Variants in COG5 observed in about 807,000 individuals in gnomAD.
COG5 encodes component of oligomeric golgi complex 5.
Under a neutral mutation model 110.4 loss-of-function variants are expected in COG5, and 86 were observed. The ratio of observed to expected loss-of-function variants is 0.78; its 90% confidence interval spans 0.65 to 0.93. The LOEUF (loss-of-function observed/expected upper bound fraction) is 0.93. Ranked by LOEUF, COG5 falls within the 40% of genes least tolerant of loss-of-function variation. The pLI, the probability that COG5 is intolerant of heterozygous loss-of-function variation, is 0.00. For missense variants in COG5, 1,077 were observed against 987.0 expected (o/e 1.09, Z -1.22); for synonymous variants, 360 against 334.6 (o/e 1.08, Z -0.83).
intron 6 of COG5, among the ~76,000 whole-genome samples, chr7:107,461,810 T>C (rs1796006685): frequency 6.6e-6 from 1 of 152,240 alleles, no homozygotes. Flanking sequence ...GTTATGAGTC[T>C]AGCACTACCC....
chr7:107,500,226 C>G (rs1235233970), intron 6 of COG5, among the ~76,000 whole-genome samples: 4 of 152,130 alleles, frequency 2.6e-5, no homozygotes, highest in Non-Finnish European at 5.9e-5. Flanking sequence ...ATTGTTCTTT[C>G]CTGGAACATA....
At chr7:107,245,336 T>C (rs1801972623) in intron 17 of COG5, among the ~76,000 whole-genome samples, 1 of 152,104 alleles carries the variant, frequency 6.6e-6, no homozygotes, top group South Asian at 2.1e-4. Flanking sequence ...CCACTTCTAT[T>C]CAACACAGTA....
At chr7:107,341,775 T>C (rs1002118616) in intron 10 of COG5, among the ~76,000 whole-genome samples, 2 of 151,946 alleles carry the variant, frequency 1.3e-5, no homozygotes, top group Non-Finnish European at 2.9e-5. Flanking sequence ...AAATAAGCAA[T>C]GGAGAAACGA....
At chr7:107,483,939 A>G (rs950974683) in intron 6 of COG5, among the ~76,000 whole-genome samples, 4 of 151,874 alleles carry the variant, frequency 2.6e-5, no homozygotes, top group Admixed American at 6.6e-5. Context: ...AAGATCCTCC[A>G]AAGAGTATGT....
intron 9 of COG5, 58 bp downstream of exon 9, chr7:107,362,250 T>G (rs1584729747): frequency 6.9e-7 from 1 of 1,449,288 alleles, no homozygotes. Context: ...GTCACACAAT[T>G]TGGAATAACC....
At chr7:107,435,283 A>C (rs1794296316) in intron 6 of COG5, among the ~76,000 whole-genome samples, 1 of 152,202 alleles carries the variant, frequency 6.6e-6, no homozygotes, top group South Asian at 2.1e-4. Context: ...CTAAGATGGG[A>C]AATTACATGG....
At chr7:107,398,287 A>G (rs1208293949) in intron 7 of COG5, among the ~76,000 whole-genome samples, 1 of 152,196 alleles carries the variant, frequency 6.6e-6, no homozygotes, top group African/African-American at 2.4e-5. Flanking sequence ...AAAACAATGG[A>G]CTATTTATAC....
chr7:107,221,104 A>G (rs541569704), intron 19 of COG5, among the ~76,000 whole-genome samples: 2 of 152,178 alleles, frequency 1.3e-5, no homozygotes, highest in African/African-American at 2.4e-5. Context: ...GGCATGAGCC[A>G]CTGCACCTGG....
At chr7:107,554,383 G>A in intron 2 of COG5, 41 bp from the exon 3 acceptor site, 4 of 1,555,836 alleles carry the variant, frequency 2.6e-6, no homozygotes, top group Non-Finnish European at 3.5e-6. Context: ...GCTCTGTTAG[G>A]TATTCTTCCT....
intron 5 of COG5, among the ~76,000 whole-genome samples, chr7:107,529,572 C>A (rs1403856267): frequency 6.6e-6 from 1 of 152,182 alleles, no homozygotes; most frequent in Non-Finnish European, 1.5e-5. Context: ...CTGTGCTCAC[C>A]TCTTAAGGGT....
At chr7:107,480,034 TA>T (rs1284870939) in intron 6 of COG5, among the ~76,000 whole-genome samples, 3 of 152,146 alleles carry the variant, frequency 2.0e-5, no homozygotes, top group Admixed American at 2.0e-4. Context: ...AATGGCTACA[TA>T]AAAACAGTTT....
At position 107,536,266 on chromosome 7, in the gene COG5, C is replaced by A. The variant is rs575980082; in HGVS notation, c.418-8909G>T. 1.1e-4 allele frequency among the ~76,000 whole-genome samples: 16 copies of A among 152,180 alleles called. No individual in the cohort carries two copies. The South Asian group carries it at 3.3e-3, about 32-fold the overall frequency. ...TTCAACATATTATTGGAAGTTCTGGCCAGGGCAATCAGGCAAGAGAAAGAA... is the reference window on the plus strand; with the variant it reads ...TTCAACATATTATTGGAAGTTCTGGACAGGGCAATCAGGCAAGAGAAAGAA... On this transcript the variant is annotated intron_variant, in intron 5 of 21. Coordinates refer to ENST00000297135, the MANE Select transcript of COG5 (RefSeq NM_006348.5).
At chr7:107,494,980 C>A (rs1389065494) in intron 6 of COG5, among the ~76,000 whole-genome samples, 1 of 152,098 alleles carries the variant, frequency 6.6e-6, no homozygotes, top group Non-Finnish European at 1.5e-5. Context: ...CCCGCCTTAT[C>A]ATTAACATAC....
At chr7:107,451,416 G>C (rs1795332785) in intron 6 of COG5, among the ~76,000 whole-genome samples, 1 of 152,252 alleles carries the variant, frequency 6.6e-6, no homozygotes, top group Non-Finnish European at 1.5e-5. Flanking sequence ...TTTATAACAT[G>C]GACCCTTCCA....
intron 14 of COG5, among the ~76,000 whole-genome samples, chr7:107,264,471 C>T (rs1047764199): frequency 1.3e-5 from 2 of 152,064 alleles, no homozygotes; most frequent in Non-Finnish European, 2.9e-5. Context: ...GCAGGAGGAT[C>T]GCTTGAGCCC....
At chr7:107,459,670 C>T (rs1452601986) in intron 6 of COG5, among the ~76,000 whole-genome samples, 12 of 151,846 alleles carry the variant, frequency 7.9e-5, no homozygotes, top group African/African-American at 2.9e-4. Context: ...GTGGTACACA[C>T]CTGTGGTCCC....
chr7:107,346,116 A>G (rs558242852), intron 10 of COG5, among the ~76,000 whole-genome samples: 4 of 152,326 alleles, frequency 2.6e-5, no homozygotes, highest in African/African-American at 7.2e-5. Context: ...TGAAAAATTC[A>G]TAACTGATTG....
In COG5 at chr7:107,474,368, T is replaced by C. The variant is rs748145556; in HGVS notation, c.538+52869A>G. On this transcript the variant is annotated intron_variant, in intron 6 of 21. Coordinates refer to ENST00000297135, the MANE Select transcript of COG5 (RefSeq NM_006348.5). The surrounding 1 kb of genome is among the most constrained non-coding windows in gnomAD (Gnocchi z 5.7). ...TGTATTCCTCTAACTATAGTTATCC[T>C]TCTGCTTTCACTGGAGAGTAACACT... is the stretch of plus-strand genomic sequence containing the variant. 1.9e-6 allele frequency: 3 copies of C among 1,612,664 alleles called. No homozygotes were observed. The highest frequency in any genetic ancestry group is 1.6e-4 in the Middle Eastern group (1 of 6,080).
At chr7:107,296,603 A>G (rs1246596082) in intron 12 of COG5, among the ~76,000 whole-genome samples, 4 of 96,696 alleles carry the variant, frequency 4.1e-5, no homozygotes, top group Non-Finnish European at 8.8e-5. Context: ...TTTTTTTTTT[A>G]AAGAGAGACA....
Sources: gnomAD v4.1 joint callset for allele counts (sites outside exome capture counted in the v4.1 genomes callset) on GRCh38, gnomAD v4.1.1 for gene constraint, Gnocchi (gnomAD v3.1) non-coding constraint, MANE v1.5 for transcripts, NCBI Gene and HGNC (gene_info 2026-07-23, HGNC 2026-07-21) for gene names.